The following MYLIP variants were observed in gnomAD, a reference collection of about 807,000 sequenced individuals.
MYLIP encodes myosin regulatory light chain interacting protein.
Under a neutral mutation model 45.8 loss-of-function variants are expected in MYLIP, and 26 were observed. That is an observed-to-expected ratio of 0.57 (90% CI 0.42 to 0.79). The LOEUF (loss-of-function observed/expected upper bound fraction) is 0.79. Among genes scored for constraint, MYLIP ranks in the 30% least tolerant of loss-of-function variants. MYLIP has a pLI of 0.00. For synonymous variants in MYLIP, 213 were observed against 218.1 expected (o/e 0.98, Z 0.21); for missense variants, 494 against 555.6 (o/e 0.89, Z 1.11).
Position 16,143,116 on chromosome 6 carries a change from A to C in MYLIP, c.561A>C (p.Ile187=). ...TGTCGGCAATGGAAAACTATGGCATAGAATGGCATTCTGTGCGGGATAGCG... is the reference window on the plus strand; with the variant it reads ...TGTCGGCAATGGAAAACTATGGCATCGAATGGCATTCTGTGCGGGATAGCG... ...QIVSAMENYG[I]EWHSVRDSEG... is the part of the protein sequence containing the mutation. The change falls in exon 4 of 7, where the codon ATA becomes ATC. Residue 187 remains isoleucine (I), a synonymous_variant. Transcript: ENST00000356840. The C allele has an allele frequency of 1.2e-6, 2 of 1,614,252 alleles. No individual in the cohort carries two copies. The highest frequency in any genetic ancestry group is 2.2e-5 in the South Asian group (2 of 91,090).
chr6:16,132,875 T>C (rs1759484286), intron 2 of MYLIP, among the ~76,000 whole-genome samples: 1 of 152,276 alleles, frequency 6.6e-6, no homozygotes, highest in Non-Finnish European at 1.5e-5. Context: ...TGAGTAAATT[T>C]AGCTTTGACA....
chr6:16,161,877 GT>G, the MYLIP span, among the ~76,000 whole-genome samples: 1 of 152,166 alleles, frequency 6.6e-6, no homozygotes, highest in Non-Finnish European at 1.5e-5. Context: ...TCAAATTTTT[GT>G]TTTTACTAGA....
At chr6:16,143,898 A>T in intron 5 of MYLIP, 35 bp downstream of exon 5, 1 of 1,591,382 alleles carries the variant, frequency 6.3e-7, no homozygotes, top group Non-Finnish European at 8.6e-7. Flanking sequence ...CCTCAGCACC[A>T]CAGCTCTCAG....
intron 3 of MYLIP, 118 bp downstream of exon 3, chr6:16,141,928 C>A: frequency 1.0e-6 from 1 of 971,200 alleles, no homozygotes; most frequent in South Asian, 2.1e-5. Flanking sequence ...TTTTTGAGCT[C>A]TCTGATGTTC....
chr6:16,146,958 CA>C lies in MYLIP; in HGVS notation c.*208del. 8.7e-6 allele frequency: 4 copies of C among 458,474 alleles called. No homozygotes were observed. Among genetic ancestry groups the C allele is most frequent in the Non-Finnish European group, 1.6e-5 (4 of 250,066 alleles). 28.4% of individuals were successfully genotyped at this position (458,474 alleles called of 1,614,324 possible). On this transcript the variant is annotated 3_prime_UTR_variant, in exon 7 of 7. Transcript: ENST00000356840. Reference sequence around the variant, plus strand: ...GAATCAACAACTCCAGTCATGGGACCAGGAGGAGCTCTGGGACGCAGACACA... The same window carrying C: ...GAATCAACAACTCCAGTCATGGGACCGGAGGAGCTCTGGGACGCAGACACA...
chr6:16,157,481 T>C, the MYLIP span, among the ~76,000 whole-genome samples: 12 of 152,392 alleles, frequency 7.9e-5, no homozygotes, highest in African/African-American at 2.6e-4. Context: ...AAATTTTGTA[T>C]GTTTTGTTTA....
chr6:16,140,624 G>A (rs532001203), intron 2 of MYLIP, among the ~76,000 whole-genome samples: 1 of 152,250 alleles, frequency 6.6e-6, no homozygotes, highest in African/African-American at 2.4e-5. Context: ...TCAGGACAGA[G>A]GGAGCAGCAA....
At chr6:16,161,622 A>G in the MYLIP span, among the ~76,000 whole-genome samples, 1 of 152,190 alleles carries the variant, frequency 6.6e-6, no homozygotes, top group Non-Finnish European at 1.5e-5. Flanking sequence ...TTGGCAGTCG[A>G]TATTACTAAA....
chr6:16,146,881 A>AG lies in MYLIP; in HGVS notation c.*132dup. On this transcript the variant is annotated 3_prime_UTR_variant, in exon 7 of 7. Transcript: ENST00000356840. ...CCATGCGATGTTAAAAAAAAAAAAA[A>AG]GGAAGAAAAATAACACAGCTACTCC... is the stretch of plus-strand genomic sequence containing the variant. 3 of 767,824 alleles carry AG rather than the reference A, an allele frequency of 3.9e-6. No homozygotes were observed. Among genetic ancestry groups the AG allele is most frequent in the South Asian group, 4.0e-5 (2 of 50,438 alleles). The allele number at this position is 767,824 out of a possible 1,614,324, so 47.6% of individuals were successfully genotyped here. A position where few individuals can be genotyped will look rare whatever the true frequency, so the allele number is the denominator to read the frequency against.
chr6:16,145,891 T>C (rs1759780306), intron 6 of MYLIP, among the ~76,000 whole-genome samples: 1 of 151,994 alleles, frequency 6.6e-6, no homozygotes. Context: ...GTTTTCTTCC[T>C]TTCTTGCATG....
At chr6:16,153,597 T>C in the MYLIP span, among the ~76,000 whole-genome samples, 1 of 152,206 alleles carries the variant, frequency 6.6e-6, no homozygotes, top group Non-Finnish European at 1.5e-5. Context: ...TTATTCATAA[T>C]AGACATGGGC....
chr6:16,141,950 G>A lies in MYLIP; in HGVS notation c.464+140G>A, dbSNP rs946969951. 8 of 742,282 alleles carry A rather than the reference G, an allele frequency of 1.1e-5. No homozygotes were observed. In the South Asian group the frequency reaches 1.8e-4, roughly 17 times the overall value. 46.0% of individuals were successfully genotyped at this position (742,282 alleles called of 1,614,324 possible). On this transcript the variant is annotated intron_variant, in intron 3 of 6. Transcript: ENST00000356840. ...GCTCTCTGATGTTCGAGGCACTTAA[G>A]AAGTCATACATAATATACATGTTAT...
chr6:16,137,051 T>G (rs1759571089), intron 2 of MYLIP, among the ~76,000 whole-genome samples: 1 of 152,226 alleles, frequency 6.6e-6, no homozygotes, highest in Admixed American at 6.5e-5. Flanking sequence ...ATCCACTTTC[T>G]TCTTTTGTGG....
chr6:16,149,147 G>A (rs566447107), downstream of MYLIP, among the ~76,000 whole-genome samples: 130 of 152,254 alleles, frequency 8.5e-4, 2 homozygotes, highest in African/African-American at 2.8e-3. Flanking sequence ...GTCTCTGCGC[G>A]GAAGTTAGAT....
At chr6:16,130,283 T>A (rs2113503395) in intron 1 of MYLIP, among the ~76,000 whole-genome samples, 1 of 152,342 alleles carries the variant, frequency 6.6e-6, no homozygotes. Context: ...TAGTTTCCCC[T>A]CCTCATCTTT....
In MYLIP at chr6:16,146,885, A is replaced by G. The variant is rs574429000; in HGVS notation, c.*134A>G. The stretch of plus-strand genomic sequence containing the variant: ...GCGATGTTAAAAAAAAAAAAAAGGA[A>G]GAAAAATAACACAGCTACTCCTCAC... On this transcript the variant is annotated 3_prime_UTR_variant, in exon 7 of 7. Transcript: ENST00000356840. The G allele has an allele frequency of 7.7e-5, 59 of 764,304 alleles. 1 individual carries two copies. In the South Asian group the frequency reaches 1.1e-3, roughly 14 times the overall value. 47.3% of individuals were successfully genotyped at this position (764,304 alleles called of 1,614,324 possible).
chr6:16,145,277 G>T lies in MYLIP; in HGVS notation c.1208G>T (p.Gly403Val). ...EEINSTFCPC[G>V]HTVCCESCAA... ...ATCAACTCCACCTTCTGTCCCTGTG[G>T]CCACACTGTGTGCTGTGAGAGCTGC... The change falls in exon 6 of 7, where the codon GGC becomes GTC. Residue 403 changes from glycine (G) to valine (V), a missense_variant. Physicochemically the swap from Gly to Val is moderately radical, Grantham distance 109. Coordinates refer to ENST00000356840, the MANE Select transcript of MYLIP (RefSeq NM_013262.4). 1 of 1,608,866 alleles carries T rather than the reference G, an allele frequency of 6.2e-7. No homozygotes were observed. The highest frequency in any genetic ancestry group is 8.5e-7 in the Non-Finnish European group (1 of 1,176,134).
chr6:16,160,630 C>T, the MYLIP span, among the ~76,000 whole-genome samples: 4 of 151,900 alleles, frequency 2.6e-5, no homozygotes, highest in African/African-American at 9.7e-5. Flanking sequence ...GGTGAAACCC[C>T]GTCTCTACAA....
downstream of MYLIP, among the ~76,000 whole-genome samples, chr6:16,149,256 C>T (rs1759850440): frequency 6.6e-6 from 1 of 152,160 alleles, no homozygotes; most frequent in African/African-American, 2.4e-5. Context: ...GGATGACAGG[C>T]TGACAGATAA....
Sources: gnomAD v4.1 joint callset for allele counts (sites outside exome capture counted in the v4.1 genomes callset) on GRCh38, gnomAD v4.1.1 for gene constraint, MANE v1.5 for transcripts, NCBI Gene and HGNC (gene_info 2026-07-23, HGNC 2026-07-21) for gene names.